USH2A: variants seen among roughly 807,000 people sequenced by gnomAD.
The protein encoded by USH2A is usherin, also known as Usher syndrome 2A (autosomal recessive, mild).
A neutral mutation model predicts 538.9 loss-of-function variants in USH2A; 443 were observed. The observed-to-expected ratio is 0.82, with a 90% CI of 0.76 to 0.89. The LOEUF is 0.89. Among genes scored for constraint, USH2A ranks in the 40% least tolerant of loss-of-function variants. The pLI is 0.00. For missense variants in USH2A, 6,633 were observed against 6,324.8 expected (o/e 1.05, Z -1.65); for synonymous variants, 2,413 against 2,273.5 (o/e 1.06, Z -1.75).
intron 3 of USH2A, among the ~76,000 whole-genome samples, chr1:216,369,303 G>A (rs545898190): frequency 5.9e-5 from 9 of 151,900 alleles, no homozygotes; most frequent in African/African-American, 2.2e-4. Flanking sequence ...CCCTACCTAC[G>A]AACACGTGGA....
intron 38 of USH2A, among the ~76,000 whole-genome samples, chr1:215,920,018 G>A (rs1482041491): frequency 6.6e-6 from 1 of 151,922 alleles, no homozygotes; most frequent in Non-Finnish European, 1.5e-5. Flanking sequence ...TAGGTACAAA[G>A]TACACAGTTC....
At chr1:215,816,766 C>T (rs1367938954) in intron 48 of USH2A, among the ~76,000 whole-genome samples, 1 of 151,918 alleles carries the variant, frequency 6.6e-6, no homozygotes, top group Non-Finnish European at 1.5e-5. Context: ...TTGGGATGTA[C>T]CCTATTCTAA....
At chr1:216,042,840 T>C (rs2030338798) in intron 32 of USH2A, among the ~76,000 whole-genome samples, 1 of 152,112 alleles carries the variant, frequency 6.6e-6, no homozygotes, top group Non-Finnish European at 1.5e-5. Flanking sequence ...CCTCATCCAA[T>C]AGGACTGGCA....
chr1:215,796,290 G>A (rs901873403), intron 50 of USH2A, among the ~76,000 whole-genome samples: 2 of 152,026 alleles, frequency 1.3e-5, no homozygotes, highest in Non-Finnish European at 2.9e-5. Context: ...GAAGTTTTGT[G>A]GCCACCCTGC....
chr1:215,693,116 G>GTGTATATA (rs112153911), intron 61 of USH2A, among the ~76,000 whole-genome samples: 1 of 133,550 alleles, frequency 7.5e-6, no homozygotes, highest in African/African-American at 2.7e-5. Context: ...GTGTGTATGT[G>GTGTATATA]TATATATATA....
rs75427093 is a variant in USH2A at position 216,355,620 on chromosome 1, G to T, written c.784+9333C>A. Among the ~76,000 whole-genome samples the T allele has an allele frequency of 6.8e-3, 1,037 of 152,080 alleles. 6 individuals carry two copies. The highest frequency in any genetic ancestry group is 0.036 in the East Asian group (186 of 5,154). On this transcript the variant is annotated intron_variant, in intron 4 of 71. Coordinates refer to ENST00000307340, the MANE Select transcript of USH2A (RefSeq NM_206933.4). ...CAAGCAATGAAAAGGGAGGTTCTTC[G>T]GATTAAGAAGAAATAGCATCAGGTG...
intron 21 of USH2A, among the ~76,000 whole-genome samples, chr1:216,162,960 C>G (rs761835266): frequency 1.9e-4 from 29 of 152,098 alleles, no homozygotes; most frequent in Non-Finnish European, 3.8e-4. Context: ...CTCTGGGAAC[C>G]TACCCTCCAA....
At chr1:215,794,312 A>G (rs1431430172) in intron 50 of USH2A, among the ~76,000 whole-genome samples, 1 of 152,242 alleles carries the variant, frequency 6.6e-6, no homozygotes, top group Non-Finnish European at 1.5e-5. Context: ...GCAGGCAAAT[A>G]AAAGAGTTTA....
chr1:216,370,991 G>A (rs1056739947), intron 3 of USH2A, among the ~76,000 whole-genome samples: 6 of 152,200 alleles, frequency 3.9e-5, no homozygotes, highest in East Asian at 1.9e-4. Flanking sequence ...TTCCCAGATC[G>A]CTGCTTCACA....
At chr1:215,837,842 C>G in intron 47 of USH2A, 149 bp downstream of exon 47, 1 of 707,146 alleles carries the variant, frequency 1.4e-6, no homozygotes, top group Admixed American at 2.1e-5. Context: ...AGATTAATAT[C>G]TGTGAAATAA....
chr1:216,059,521 C>T (rs1231826404), intron 30 of USH2A, among the ~76,000 whole-genome samples: 8 of 152,158 alleles, frequency 5.3e-5, no homozygotes, highest in Non-Finnish European at 8.8e-5. Context: ...TGGATAGCAT[C>T]CTTTGCCTAT....
intron 4 of USH2A, among the ~76,000 whole-genome samples, chr1:216,341,375 C>A (rs562846527): frequency 6.6e-6 from 1 of 151,858 alleles, no homozygotes; most frequent in African/African-American, 2.4e-5. Context: ...AACATTCCAT[C>A]GTCATGGATA....
intron 64 of USH2A, among the ~76,000 whole-genome samples, chr1:215,653,335 A>G (rs1558039018): frequency 2.6e-5 from 4 of 152,138 alleles, no homozygotes; most frequent in Admixed American, 6.5e-5. Flanking sequence ...ATTCCCCATC[A>G]CTAATAGGGA....
intron 30 of USH2A, among the ~76,000 whole-genome samples, chr1:216,058,622 T>C (rs1204783239): frequency 7.9e-6 from 1 of 127,276 alleles, no homozygotes; most frequent in Non-Finnish European, 1.7e-5. Flanking sequence ...CAACATATTT[T>C]TTTTCTATTG....
chr1:215,812,228 C>A (rs1024201724), intron 49 of USH2A, among the ~76,000 whole-genome samples: 2 of 151,888 alleles, frequency 1.3e-5, no homozygotes, highest in Admixed American at 6.6e-5. Flanking sequence ...TCAGGTGATC[C>A]ACCCGCCTCA....
chr1:215,873,561 C>CT (rs1164414561), intron 43 of USH2A, among the ~76,000 whole-genome samples: 2 of 152,066 alleles, frequency 1.3e-5, no homozygotes, highest in African/African-American at 4.8e-5. Flanking sequence ...ATGGCATCCT[C>CT]TTTTAGGACT....
At chr1:215,808,287 T>C (rs566464679) in intron 49 of USH2A, among the ~76,000 whole-genome samples, 2 of 152,258 alleles carry the variant, frequency 1.3e-5, no homozygotes, top group African/African-American at 4.8e-5. Flanking sequence ...AAGTCACTCA[T>C]ACACAGTCAT....
intron 32 of USH2A, among the ~76,000 whole-genome samples, chr1:216,004,236 A>C (rs1668339320): frequency 1.3e-5 from 2 of 152,290 alleles, no homozygotes; most frequent in East Asian, 3.9e-4. Context: ...CTTGAGATAT[A>C]TAATTTGGTA....
At chr1:215,993,711 G>C (rs887246748) in intron 34 of USH2A, among the ~76,000 whole-genome samples, 8 of 152,116 alleles carry the variant, frequency 5.3e-5, no homozygotes, top group Non-Finnish European at 1.2e-4. Flanking sequence ...ATAAAACAAT[G>C]TTTCTCATAA....
Sources: allele counts gnomAD v4.1 joint callset (sites outside exome capture counted in the v4.1 genomes callset), GRCh38; gene constraint gnomAD v4.1.1; transcripts MANE v1.5; gene names NCBI Gene and HGNC (gene_info 2026-07-23, HGNC 2026-07-21).